The following PDZD2 variants were observed in gnomAD, a reference collection of about 807,000 sequenced individuals.
PDZD2 encodes the protein PDZ domain containing 2, also known as PDZ domain-containing protein 2.
PDZD2 carries 90 observed loss-of-function variants against 220.7 expected under a neutral mutation model. The observed-to-expected ratio is 0.41, with a 90% CI of 0.34 to 0.49. The LOEUF is 0.49. Ranked by LOEUF, PDZD2 falls within the 20% of genes least tolerant of loss-of-function variation. PDZD2 has a pLI of 0.28. For missense variants in PDZD2, 3,174 were observed against 3,608.5 expected (o/e 0.88, Z 3.08); for synonymous variants, 1,375 against 1,450.5 (o/e 0.95, Z 1.18).
rs961231352 is a variant in PDZD2, at chr5:31,783,535, G to A, written c.-360-15354G>A. ...TAGTGTCTCACTTGGCACAGTCTGC[G>A]TGCTCAGCATCACAAAGAGATTGAT... On this transcript the variant is annotated intron_variant, in intron 1 of 24. Coordinates refer to ENST00000438447, the MANE Select transcript of PDZD2 (RefSeq NM_178140.4). 1.5e-4 allele frequency among the ~76,000 whole-genome samples: 23 copies of A among 152,178 alleles called. 1 individual carries two copies. The highest frequency in any genetic ancestry group is 4.6e-4 in the African/African-American group (19 of 41,442).
chr5:31,670,089 A>T (rs968014986), intron 1 of PDZD2, among the ~76,000 whole-genome samples: 5 of 152,142 alleles, frequency 3.3e-5, no homozygotes, highest in African/African-American at 1.2e-4. Context: ...CAGAGCGGGC[A>T]CTCCTAACTG....
At chr5:31,752,087 T>TTTTTTTTTTTTTTTTTTTTG in intron 1 of PDZD2, among the ~76,000 whole-genome samples, 2 of 139,268 alleles carry the variant, frequency 1.4e-5, no homozygotes, top group Non-Finnish European at 3.1e-5. Context: ...TTTTTTTTTT[T>TTTTTTTTTTTTTTTTTTTTG]TTTCTGAGAC....
intron 2 of PDZD2, among the ~76,000 whole-genome samples, chr5:31,894,052 G>T (rs908461313): frequency 7.8e-6 from 1 of 128,434 alleles, no homozygotes; most frequent in African/African-American, 2.9e-5. Context: ...GCGCCACCAC[G>T]CCCAGCTTTT....
intron 2 of PDZD2, among the ~76,000 whole-genome samples, chr5:31,866,127 G>A (rs950940165): frequency 3.3e-5 from 5 of 151,858 alleles, no homozygotes; most frequent in African/African-American, 1.2e-4. Flanking sequence ...TCAGCCTCAC[G>A]AGCTGGGACT....
At chr5:31,662,513 A>G (rs1580531998) in intron 1 of PDZD2, among the ~76,000 whole-genome samples, 1 of 152,198 alleles carries the variant, frequency 6.6e-6, no homozygotes. Context: ...CAGAGGCTGG[A>G]AAGTCTGAGA....
At chr5:31,915,528 C>T (rs1304946413) in intron 2 of PDZD2, among the ~76,000 whole-genome samples, 2 of 152,150 alleles carry the variant, frequency 1.3e-5, no homozygotes, top group East Asian at 1.9e-4. Context: ...CCTGCTGTGT[C>T]CCCAGGAGAA....
At position 32,089,084 on chromosome 5, in the gene PDZD2, C is replaced by A. The variant is rs147095923; in HGVS notation, c.5636C>A (p.Ala1879Glu). The A allele has an allele frequency of 3.8e-5, 61 of 1,613,966 alleles. 2 individuals carry two copies. The East Asian group carries it at 6.9e-4, about 18-fold the overall frequency. ...AEMLLTNGQK[A>E]KCGPKLKRLS... ...ATGCTTCTGACTAATGGTCAGAAGG[C>A]AAAGTGTGGTCCGAAGCTGAAGAGG... Residue 1879 changes from alanine (A) to glutamate (E), a missense_variant, in exon 20 of 25, where the codon GCA becomes GAA. Ala to Glu is a moderately radical substitution (Grantham distance 107). Around this residue, in one of 4 missense-constraint regions of PDZD2, gnomAD observed 1,861 missense variants for 2,001.0 expected, o/e 0.93. Transcript: ENST00000438447.
At chr5:31,724,602 CAAA>C (rs35523154) in intron 1 of PDZD2, among the ~76,000 whole-genome samples, 33 of 61,014 alleles carry the variant, frequency 5.4e-4, no homozygotes, top group African/African-American at 1.4e-3. Flanking sequence ...AATTCCGTCT[CAAA>C]AAAAAAAAAA....
chr5:31,949,023 A>C (rs1478809593), intron 2 of PDZD2, among the ~76,000 whole-genome samples: 1 of 143,140 alleles, frequency 7.0e-6, no homozygotes, highest in African/African-American at 2.6e-5. Flanking sequence ...GCTTGAACCC[A>C]GGAGGCGGAG....
At chr5:31,692,426 G>T (rs1747182064) in intron 1 of PDZD2, among the ~76,000 whole-genome samples, 1 of 152,242 alleles carries the variant, frequency 6.6e-6, no homozygotes, top group South Asian at 2.1e-4. Context: ...TGTAGCGGCG[G>T]GCTGAAGGGC....
At chr5:31,814,374 G>T (rs1221941729) in intron 2 of PDZD2, among the ~76,000 whole-genome samples, 1 of 152,186 alleles carries the variant, frequency 6.6e-6, no homozygotes, top group African/African-American at 2.4e-5. Flanking sequence ...CTGAAAACAT[G>T]TACCCAAGGT....
chr5:31,804,270 C>A (rs1220897292), intron 2 of PDZD2, among the ~76,000 whole-genome samples: 3 of 152,140 alleles, frequency 2.0e-5, no homozygotes, highest in African/African-American at 7.2e-5. Context: ...AAAGGGAAGG[C>A]CAACACCTAT....
At chr5:31,777,360 G>A (rs1312689523) in intron 1 of PDZD2, among the ~76,000 whole-genome samples, 1 of 152,212 alleles carries the variant, frequency 6.6e-6, no homozygotes, top group African/African-American at 2.4e-5. Flanking sequence ...CTCCGAACCT[G>A]CAGCCCGCCA....
chr5:31,953,668 T>TTC, intron 2 of PDZD2, among the ~76,000 whole-genome samples: 1 of 151,662 alleles, frequency 6.6e-6, no homozygotes, highest in Admixed American at 6.6e-5. Flanking sequence ...AAATTTTTTT[T>TTC]TTTTTTTGAG....
In PDZD2 at chr5:32,087,185, A is replaced by T; in HGVS notation, c.3737A>T (p.His1246Leu). ...ISSPGKKGAA[H>L]PDPSKTSVDT... ...TCCCCAGGGAAGAAGGGGGCCGCTCATCCTGACCCCAGCAAGACCTCTGTA... is the reference window on the plus strand; with the variant it reads ...TCCCCAGGGAAGAAGGGGGCCGCTCTTCCTGACCCCAGCAAGACCTCTGTA... The change falls in exon 20 of 25, where the codon CAT (histidine) becomes CTT (leucine). Residue 1246 changes from histidine to leucine, a missense_variant. By Grantham distance (99) the His-to-Leu change is moderately conservative. Around this residue, in one of 4 missense-constraint regions of PDZD2, gnomAD observed 1,861 missense variants for 2,001.0 expected, o/e 0.93. Transcript: ENST00000438447. This position sits in a 1 kb window ranked among gnomAD's most constrained non-coding sequence, Gnocchi z 4.0. 1 of 1,613,908 alleles carries T rather than the reference A, an allele frequency of 6.2e-7. No homozygotes were observed. Among genetic ancestry groups the T allele is most frequent in the Non-Finnish European group, 8.5e-7 (1 of 1,179,858 alleles).
At chr5:32,042,096 A>C in intron 7 of PDZD2, among the ~76,000 whole-genome samples, 1 of 150,238 alleles carries the variant, frequency 6.7e-6, no homozygotes, top group Non-Finnish European at 1.5e-5. Flanking sequence ...TCTACTAAAA[A>C]TACAAAAACA....
intron 2 of PDZD2, among the ~76,000 whole-genome samples, chr5:31,936,963 G>C (rs149812808): frequency 1.2e-4 from 19 of 152,178 alleles, no homozygotes; most frequent in African/African-American, 4.3e-4. Flanking sequence ...GTCATGGAGT[G>C]GGGGGAGTGC....
chr5:31,829,333 ATT>A (rs34522826), intron 2 of PDZD2, among the ~76,000 whole-genome samples: 12 of 145,806 alleles, frequency 8.2e-5, no homozygotes, highest in African/African-American at 2.5e-4. Flanking sequence ...AGCTTAGTGA[ATT>A]TTTTTTTTTT....
In PDZD2 at chr5:32,063,671, G is replaced by A. The variant is rs531983391; in HGVS notation, c.2451+2537G>A. ...GAGCTTCTACTGGGTGCCAGGCAGT[G>A]CCAACATACCAGGGATACACAATTA... On this transcript the variant is annotated intron_variant, in intron 14 of 24. Transcript: ENST00000438447. Among the ~76,000 whole-genome samples the A allele has an allele frequency of 1.8e-4, 27 of 152,350 alleles. No homozygotes were observed. The South Asian group carries it at 5.4e-3, about 30-fold the overall frequency.
Sources: gnomAD v4.1 joint callset for allele counts (sites outside exome capture counted in the v4.1 genomes callset) on GRCh38, gnomAD v4.1.1 for gene constraint, gnomAD v4.1.1 regional missense constraint, Gnocchi (gnomAD v3.1) non-coding constraint, MANE v1.5 for transcripts, NCBI Gene and HGNC (gene_info 2026-07-23, HGNC 2026-07-21) for gene names.